The following SLC25A12 variants were observed in gnomAD, a reference collection of about 807,000 sequenced individuals.
SLC25A12 encodes the protein electrogenic aspartate/glutamate antiporter SLC25A12, mitochondrial.
A neutral mutation model predicts 83.3 loss-of-function variants in SLC25A12; 32 were observed. That is an observed-to-expected ratio of 0.38 (90% CI 0.29 to 0.52). The LOEUF is 0.52. Ranked by LOEUF, SLC25A12 falls within the 20% of genes least tolerant of loss-of-function variation. The pLI, the probability that SLC25A12 is intolerant of heterozygous loss-of-function variation, is 0.84. For missense variants in SLC25A12, 611 were observed against 835.6 expected, an observed-to-expected ratio of 0.73 and a Z score of 3.31; for synonymous variants, 267 against 291.1, an observed-to-expected ratio of 0.92 and a Z score of 0.84.
At chr2:171,875,262 T>A (rs950646536) in intron 2 of SLC25A12, among the ~76,000 whole-genome samples, 1 of 152,174 alleles carries the variant, frequency 6.6e-6, no homozygotes, top group Non-Finnish European at 1.5e-5. Context: ...AGTTTCTGTA[T>A]CCAGGCCCTT....
intron 2 of SLC25A12, among the ~76,000 whole-genome samples, chr2:171,883,577 C>T (rs1448579455): frequency 6.6e-6 from 1 of 151,898 alleles, no homozygotes; most frequent in Non-Finnish European, 1.5e-5. Context: ...GCCATTTACC[C>T]CCATACTTAA....
chr2:171,891,535 A>T (rs1685939160), intron 2 of SLC25A12, among the ~76,000 whole-genome samples: 1 of 152,234 alleles, frequency 6.6e-6, no homozygotes, highest in Non-Finnish European at 1.5e-5. Flanking sequence ...GCCTAAGGGT[A>T]CAAGAACCAG....
chr2:171,862,848 A>G (rs1341248635), intron 3 of SLC25A12, among the ~76,000 whole-genome samples: 1 of 150,982 alleles, frequency 6.6e-6, no homozygotes, highest in Non-Finnish European at 1.5e-5. Context: ...ATATTTCATC[A>G]CTGCCCTGGG....
At chr2:171,794,048 C>A (rs1382494782) in intron 13 of SLC25A12, among the ~76,000 whole-genome samples, 2 of 152,020 alleles carry the variant, frequency 1.3e-5, no homozygotes, top group Non-Finnish European at 2.9e-5. Context: ...ATCACCCCAG[C>A]CATATTCAAA....
chr2:171,833,987 A>G lies in SLC25A12; in HGVS notation c.821T>C (p.Leu274Pro). The G allele has an allele frequency of 6.3e-7, 1 of 1,598,548 alleles. No homozygotes were observed. Among genetic ancestry groups the G allele is most frequent in the Non-Finnish European group, 8.6e-7 (1 of 1,165,934 alleles). ...CCCTGAAGCATTATATAAGTCTGCA[A>G]GCTGATATAGAATATCAATTTCTAG... ...TPLEIDILYQ[L>P]ADLYNASGRL... is the part of the protein sequence containing the mutation. The change falls in exon 8 of 18, where the codon CTT becomes CCT. Residue 274 changes from leucine (L) to proline (P), a missense_variant. Around this residue, in one of 3 missense-constraint regions of SLC25A12, gnomAD observed 540 missense variants for 777.5 expected, o/e 0.69. Coordinates refer to ENST00000422440, the MANE Select transcript of SLC25A12 (RefSeq NM_003705.5).
chr2:171,884,029 T>C (rs1287179996), intron 2 of SLC25A12, among the ~76,000 whole-genome samples: 2 of 151,324 alleles, frequency 1.3e-5, no homozygotes, highest in African/African-American at 2.4e-5. Context: ...CCTGGCTAAT[T>C]TCTTTTCTTT....
intron 15 of SLC25A12, among the ~76,000 whole-genome samples, chr2:171,789,897 A>G (rs886313522): frequency 1.4e-5 from 2 of 144,618 alleles, no homozygotes; most frequent in African/African-American, 5.0e-5. Context: ...CTGTCTCACC[A>G]AAAAAAAAAA....
At chr2:171,815,578 CTTCT>C (rs1224691334) in intron 9 of SLC25A12, among the ~76,000 whole-genome samples, 3 of 151,990 alleles carry the variant, frequency 2.0e-5, no homozygotes, top group African/African-American at 4.8e-5. Flanking sequence ...AATTTTTTTC[CTTCT>C]TTAACTAACT....
chr2:171,894,150 G>A (rs1451088779), intron 1 of SLC25A12, 53 bp downstream of exon 1: 15 of 1,589,834 alleles, frequency 9.4e-6, no homozygotes, highest in Non-Finnish European at 1.1e-5. Context: ...TGCAGGCAGG[G>A]CGCTCGGAAT....
chr2:171,819,295 A>C (rs1308895794), intron 9 of SLC25A12, among the ~76,000 whole-genome samples: 1 of 128,136 alleles, frequency 7.8e-6, no homozygotes, highest in Non-Finnish European at 1.6e-5. Flanking sequence ...ATAATACATA[A>C]TATAGAATTA....
rs1174415252 is a variant in SLC25A12 at position 171,855,926 on chromosome 2, A to C, written c.233T>G (p.Leu78Trp). The change falls in exon 4 of 18, where the codon TTG becomes TGG. Residue 78 changes from leucine (L) to tryptophan (W), a missense_variant. Transcript: ENST00000422440. ...KDGLISYQEFLAFESVLCAPD... is the reference protein window; with the variant it reads ...KDGLISYQEFWAFESVLCAPD... ...AGCACATAAAACAGATTCAAATGCC[A>C]AAAACTCTTGATAGGAGATCAACCT... 6.2e-7 allele frequency: 1 copy of C among 1,608,422 alleles called. No homozygotes were observed. The highest frequency in any genetic ancestry group is 1.3e-5 in the African/African-American group (1 of 74,836).
rs928352394 is a variant in SLC25A12, at chr2:171,868,589, C to T, written c.209+92G>A. The T allele has an allele frequency of 4.6e-6, 6 of 1,293,176 alleles. No homozygotes were observed. The African/African-American group carries it at 7.3e-5, about 16-fold the overall frequency. The allele number at this position is 1,293,176 out of a possible 1,614,324, so 80.1% of individuals were successfully genotyped here. A position where few individuals can be genotyped will look rare whatever the true frequency, so the allele number is the denominator to read the frequency against. On this transcript the variant is annotated intron_variant, in intron 3 of 17. Transcript: ENST00000422440. ...TCAGCCTTCCAAAGCGCTGGGATTA[C>T]AGGCATGAGCCACTGTGCCCAGCTG...
At chr2:171,856,148 T>C (rs1685040698) in intron 3 of SLC25A12, among the ~76,000 whole-genome samples, 199 bp from the exon 4 acceptor site, 1 of 152,152 alleles carries the variant, frequency 6.6e-6, no homozygotes, top group African/African-American at 2.4e-5. Flanking sequence ...AGAAAATCAA[T>C]GAAACTGGGC....
At position 171,809,576 on chromosome 2, in the gene SLC25A12, T is replaced by C. The variant is rs540411815; in HGVS notation, c.1305+30A>G. Reference sequence around the variant, plus strand: ...CAAAAAGGTCAACGGAATGTATTTGTCACAAGAAGCGCCTAACAGTAATAC... The same window carrying C: ...CAAAAAGGTCAACGGAATGTATTTGCCACAAGAAGCGCCTAACAGTAATAC... On this transcript the variant is annotated intron_variant, in intron 13 of 17. Coordinates refer to ENST00000422440, the MANE Select transcript of SLC25A12 (RefSeq NM_003705.5). The C allele has an allele frequency of 2.0e-5, 31 of 1,549,960 alleles. No homozygotes were observed. The Admixed American group carries it at 4.8e-4, about 24-fold the overall frequency.
At chr2:171,787,235 G>A (rs1481906269) in intron 17 of SLC25A12, among the ~76,000 whole-genome samples, 1 of 152,150 alleles carries the variant, frequency 6.6e-6, no homozygotes, top group African/African-American at 2.4e-5. Context: ...TGAGGTGGGA[G>A]GATCGCTTGA....
At chr2:171,789,594 CT>C (rs1305313318) in intron 15 of SLC25A12, among the ~76,000 whole-genome samples, 2 of 152,148 alleles carry the variant, frequency 1.3e-5, no homozygotes, top group Non-Finnish European at 2.9e-5. Context: ...GTGTCCTTGG[CT>C]GCACCAACAC....
chr2:171,821,080 A>AAAG (rs1246726312), intron 9 of SLC25A12, among the ~76,000 whole-genome samples: 2 of 122,916 alleles, frequency 1.6e-5, no homozygotes, highest in Non-Finnish European at 3.2e-5. Flanking sequence ...CCCAGGCTAA[A>AAAG]GTGCAGTGGC....
At chr2:171,871,588 G>A (rs139895532) in intron 2 of SLC25A12, 9,273 of 311,188 alleles carry the variant, frequency 0.03, 187 homozygotes, top group Non-Finnish European at 0.037. Flanking sequence ...CCAAAGTGCC[G>A]GGATTACAGG....
intron 2 of SLC25A12, among the ~76,000 whole-genome samples, chr2:171,876,552 G>GA (rs1477408849): frequency 6.5e-5 from 9 of 138,172 alleles, no homozygotes; most frequent in Non-Finnish European, 1.3e-4. Flanking sequence ...TTGGGGGGGG[G>GA]GGGACTCAAG....
Sources: allele counts gnomAD v4.1 joint callset (sites outside exome capture counted in the v4.1 genomes callset), GRCh38; gene constraint gnomAD v4.1.1; regional missense constraint gnomAD v4.1.1; transcripts MANE v1.5; gene names NCBI Gene and HGNC (gene_info 2026-07-23, HGNC 2026-07-21).